Variants in CEP57L1 observed in about 807,000 individuals in gnomAD.
CEP57L1 encodes the protein centrosomal protein CEP57L1.
A neutral mutation model predicts 61.0 loss-of-function variants in CEP57L1; 37 were observed. That is an observed-to-expected ratio of 0.61 (90% CI 0.47 to 0.80). The LOEUF (loss-of-function observed/expected upper bound fraction) is 0.80, where lower values mean the gene tolerates loss of function less well. Among genes scored for constraint, CEP57L1 ranks in the 30% least tolerant of loss-of-function variants. CEP57L1 has a pLI of 0.00. For missense variants in CEP57L1, 422 were observed against 524.7 expected (o/e 0.80, Z 1.91); for synonymous variants, 137 against 162.3 (o/e 0.84, Z 1.19).
chr6:109,109,701 C>T lies in CEP57L1; in HGVS notation c.-4+14126C>T, dbSNP rs143506432. Among the ~76,000 whole-genome samples the T allele has an allele frequency of 1.4e-3, 216 of 152,312 alleles. 1 individual carries two copies. The highest frequency in any genetic ancestry group is 5.0e-3 in the African/African-American group (207 of 41,558). Reference sequence around the variant, plus strand: ...GCTACCCTGCCCTAGCACCAAACCCCGTGACAGGCCCGGGTGAGTGATGTT... The same window carrying T: ...GCTACCCTGCCCTAGCACCAAACCCTGTGACAGGCCCGGGTGAGTGATGTT... On this transcript the variant is annotated intron_variant, in intron 1 of 10. Transcript: ENST00000517392.
chr6:109,114,913 G>A (rs1772103456), intron 1 of CEP57L1, among the ~76,000 whole-genome samples: 1 of 152,044 alleles, frequency 6.6e-6, no homozygotes, highest in Non-Finnish European at 1.5e-5. Flanking sequence ...ACTCTGATAT[G>A]ATCATTCCAC....
Position 109,173,463 on chromosome 6 carries a change from A to C in CEP57L1, c.*10493A>C, listed in dbSNP as rs1583705439. ...TTTCTTTTCAGGGTCTTGTTCTGTCACCCAGGCTGGAGTGGAGTGAATGCA... is the reference window on the plus strand; with the variant it reads ...TTTCTTTTCAGGGTCTTGTTCTGTCCCCCAGGCTGGAGTGGAGTGAATGCA... On this transcript the variant is annotated 3_prime_UTR_variant, in exon 11 of 11. Transcript: ENST00000517392. Among the ~76,000 whole-genome samples the C allele has an allele frequency of 7.9e-6, 1 of 125,882 alleles. No individual in the cohort carries two copies. Among genetic ancestry groups the C allele is most frequent in the Non-Finnish European group, 1.6e-5 (1 of 62,860 alleles). 82.6% of individuals were successfully genotyped at this position (125,882 alleles called of 152,430 possible).
intron 1 of CEP57L1, 114 bp from the exon 2 acceptor site, chr6:109,145,105 T>TA: frequency 1.7e-6 from 1 of 576,108 alleles, no homozygotes; most frequent in Non-Finnish European, 2.9e-6. Flanking sequence ...TTCATAAAGA[T>TA]ACAACTCCAC....
At chr6:109,123,062 T>G (rs559751581) in intron 1 of CEP57L1, among the ~76,000 whole-genome samples, 1 of 152,290 alleles carries the variant, frequency 6.6e-6, no homozygotes, top group Admixed American at 6.5e-5. Context: ...CCTAGGAATC[T>G]GCATGTTTAT....
rs185114656 is a variant in CEP57L1, at chr6:109,112,172, A to G, written c.-4+16597A>G. Among the ~76,000 whole-genome samples, 482 of 152,180 alleles carry G rather than the reference A, an allele frequency of 3.2e-3. 1 individual carries two copies. Among genetic ancestry groups the G allele is most frequent in the Non-Finnish European group, 3.6e-3 (242 of 67,998 alleles). ...TGGTCCTGGGCTTTTTTTGGTGGGTAGGCTATTAATTGCCCCCTCAATTTC... is the reference window on the plus strand; with the variant it reads ...TGGTCCTGGGCTTTTTTTGGTGGGTGGGCTATTAATTGCCCCCTCAATTTC... On this transcript the variant is annotated intron_variant, in intron 1 of 10. Transcript: ENST00000517392.
chr6:109,162,359 CA>C (rs1773791981), intron 10 of CEP57L1, among the ~76,000 whole-genome samples: 1 of 151,900 alleles, frequency 6.6e-6, no homozygotes, highest in South Asian at 2.1e-4. Flanking sequence ...TAGTTTTTAC[CA>C]GTTTAATATC....
intron 10 of CEP57L1, among the ~76,000 whole-genome samples, chr6:109,160,956 C>T (rs532248564): frequency 6.6e-6 from 1 of 152,276 alleles, no homozygotes; most frequent in Admixed American, 6.5e-5. Flanking sequence ...GTTATGTATT[C>T]AGAAATTGCT....
At chr6:109,125,984 G>T (rs1309905447) in intron 1 of CEP57L1, among the ~76,000 whole-genome samples, 2 of 151,942 alleles carry the variant, frequency 1.3e-5, no homozygotes, top group South Asian at 2.1e-4. Flanking sequence ...ATGTGTGTGT[G>T]TTTTTTTAAG....
rs1333146422 is a variant in CEP57L1 at position 109,170,447 on chromosome 6, T to A, written c.*7477T>A. Among the ~76,000 whole-genome samples, 1 of 152,172 alleles carries A rather than the reference T, an allele frequency of 6.6e-6. No individual in the cohort carries two copies. Among genetic ancestry groups the A allele is most frequent in the African/African-American group, 2.4e-5 (1 of 41,446 alleles). Reference sequence around the variant, plus strand: ...GTTTGCCTTAAAGTTAAATGTACATTGACCTTTGGTATTTCTTAGAAAAAC... The same window carrying A: ...GTTTGCCTTAAAGTTAAATGTACATAGACCTTTGGTATTTCTTAGAAAAAC... On this transcript the variant is annotated 3_prime_UTR_variant, in exon 11 of 11. Coordinates refer to ENST00000517392, the MANE Select transcript of CEP57L1 (RefSeq NM_001271852.3).
At chr6:109,118,548 C>T (rs1772575011) in intron 1 of CEP57L1, among the ~76,000 whole-genome samples, 1 of 152,200 alleles carries the variant, frequency 6.6e-6, no homozygotes, top group Non-Finnish European at 1.5e-5. Flanking sequence ...TTACTTGAGC[C>T]TTTCAAAACA....
intron 1 of CEP57L1, among the ~76,000 whole-genome samples, chr6:109,143,097 A>G (rs1353780761): frequency 6.6e-6 from 1 of 152,058 alleles, no homozygotes; most frequent in Non-Finnish European, 1.5e-5. Flanking sequence ...TCTTACACAA[A>G]GCAGGGAAGC....
rs1774175646 is a variant in CEP57L1 at position 109,167,358 on chromosome 6, A to C, written c.*4388A>C. 1.3e-5 allele frequency among the ~76,000 whole-genome samples: 2 copies of C among 151,566 alleles called. No homozygotes were observed. The highest frequency in any genetic ancestry group is 1.3e-4 in the Admixed American group (2 of 15,198). Reference sequence around the variant, plus strand: ...TTTTTTTCCTGGTAGGTTTATTGGGAGTGTTCTCCATATTGATATAGATGG... The same window carrying C: ...TTTTTTTCCTGGTAGGTTTATTGGGCGTGTTCTCCATATTGATATAGATGG... On this transcript the variant is annotated 3_prime_UTR_variant, in exon 11 of 11. Coordinates refer to ENST00000517392, the MANE Select transcript of CEP57L1 (RefSeq NM_001271852.3).
intron 1 of CEP57L1, among the ~76,000 whole-genome samples, chr6:109,142,079 G>C (rs1409031820): frequency 2.0e-5 from 3 of 152,122 alleles, no homozygotes; most frequent in African/African-American, 7.2e-5. Flanking sequence ...CTTTTTAGGG[G>C]GATAGTTTTT....
intron 1 of CEP57L1, among the ~76,000 whole-genome samples, chr6:109,140,830 T>A (rs192516002): frequency 1.7e-3 from 259 of 152,134 alleles, no homozygotes; most frequent in African/African-American, 5.7e-3. Flanking sequence ...TTTTAGAGTT[T>A]TTTATTTATT....
intron 10 of CEP57L1, among the ~76,000 whole-genome samples, chr6:109,161,995 G>C (rs72937091): frequency 3.3e-5 from 5 of 151,870 alleles, no homozygotes; most frequent in African/African-American, 1.2e-4. Flanking sequence ...AATTGATTTT[G>C]GCTAGTTGAT....
chr6:109,107,815 G>C lies in CEP57L1; in HGVS notation c.-4+12240G>C, dbSNP rs114281427. On this transcript the variant is annotated intron_variant, in intron 1 of 10. Transcript: ENST00000517392. ...AATTAGCTGGGCATGGTGGCGCTTGGGTGTAATCCCAGCTACTTGGGAGGC... is the reference window on the plus strand; with the variant it reads ...AATTAGCTGGGCATGGTGGCGCTTGCGTGTAATCCCAGCTACTTGGGAGGC... 8.3e-3 allele frequency among the ~76,000 whole-genome samples: 1,263 copies of C among 151,884 alleles called. 24 individuals carry two copies. The highest frequency in any genetic ancestry group is 0.029 in the African/African-American group (1,212 of 41,440).
In CEP57L1 at chr6:109,146,855, A is replaced by G; in HGVS notation, c.258A>G (p.Glu86=). The G allele has an allele frequency of 1.2e-6, 2 of 1,611,008 alleles. No homozygotes were observed. The highest frequency in any genetic ancestry group is 1.7e-6 in the Non-Finnish European group (2 of 1,178,438). ...ATAACCTGAACATTCTTTCCAGAGA[A>G]GCAGCACAGTATAAGAAGGCCTTAG... ...AEDNLNILSR[E]AAQYKKALEN... The change falls in exon 3 of 11, where the codon GAA becomes GAG. Residue 86 remains glutamate (E), a synonymous_variant. Transcript: ENST00000517392.
At chr6:109,110,450 A>G (rs1424967307) in intron 1 of CEP57L1, among the ~76,000 whole-genome samples, 1 of 152,144 alleles carries the variant, frequency 6.6e-6, no homozygotes, top group East Asian at 1.9e-4. Context: ...ATAGACTGCA[A>G]AAATTTTCTC....
chr6:109,116,176 TATG>T (rs1369576774), intron 1 of CEP57L1, among the ~76,000 whole-genome samples: 1 of 151,494 alleles, frequency 6.6e-6, no homozygotes, highest in Non-Finnish European at 1.5e-5. Context: ...TATGTTATGT[TATG>T]TTATGTTACT....
Sources: gnomAD v4.1 joint callset for allele counts (sites outside exome capture counted in the v4.1 genomes callset) on GRCh38, gnomAD v4.1.1 for gene constraint, MANE v1.5 for transcripts, NCBI Gene and HGNC (gene_info 2026-07-23, HGNC 2026-07-21) for gene names.